Variants in EEF1AKMT1 observed in about 807,000 individuals in gnomAD.
EEF1AKMT1 encodes the protein N-6 adenine-specific DNA methyltransferase 2 (putative).
A neutral mutation model predicts 21.0 loss-of-function variants in EEF1AKMT1; 18 were observed. The ratio of observed to expected loss-of-function variants is 0.86; its 90% CI spans 0.59 to 1.27. EEF1AKMT1 has a LOEUF of 1.27. EEF1AKMT1 is among the 50% of genes most tolerant of loss of function. EEF1AKMT1 has a pLI of 0.00. For synonymous variants in EEF1AKMT1, 109 were observed against 94.8 expected (o/e 1.15, Z -0.87); for missense variants, 246 against 258.6 (o/e 0.95, Z 0.33).
chr13:20,731,847 A>G lies in EEF1AKMT1; in HGVS notation c.502T>C (p.Cys168Arg), dbSNP rs1212769338. ...KYLTRGKILLCTGAIMEEQAA... is the reference protein window; with the variant it reads ...KYLTRGKILLRTGAIMEEQAA... ...TATGAAATGCAGCACCTACCTGTGC[A>G]CAGCAGAATCTTGCCCCGCGTCAGG... The change falls in exon 4 of 5, where the codon TGC becomes CGC. Residue 168 changes from cysteine (C) to arginine (R), a missense_variant. Cys to Arg is a radical substitution (Grantham distance 180, BLOSUM62 -3). Coordinates refer to ENST00000382758, the MANE Select transcript of EEF1AKMT1 (RefSeq NM_001318939.2). The G allele has an allele frequency of 6.2e-7, 1 of 1,613,062 alleles. No individual in the cohort carries two copies. The highest frequency in any genetic ancestry group is 8.5e-7 in the Non-Finnish European group (1 of 1,179,140).
At chr13:20,759,575 G>A (rs1351117069) in intron 1 of EEF1AKMT1, among the ~76,000 whole-genome samples, 1 of 149,948 alleles carries the variant, frequency 6.7e-6, no homozygotes, top group Non-Finnish European at 1.5e-5. Context: ...GCAAGACTCC[G>A]TCTCAAAAAC....
Position 20,728,815 on chromosome 13 carries a change from T to A in EEF1AKMT1, c.*265A>T, listed in dbSNP as rs920146215. ...ACAACTGTTCTTCTGTTTTTACACA[T>A]GTTAAATGAGGAGAGAAGATCAGGC... On this transcript the variant is annotated 3_prime_UTR_variant, in exon 5 of 5. Coordinates refer to ENST00000382758, the MANE Select transcript of EEF1AKMT1 (RefSeq NM_001318939.2). The A allele has an allele frequency of 2.1e-6, 1 of 465,708 alleles. No individual in the cohort carries two copies. The highest frequency in any genetic ancestry group is 3.9e-6 in the Non-Finnish European group (1 of 254,690). 28.8% of individuals were successfully genotyped at this position (465,708 alleles called of 1,614,324 possible).
At chr13:20,747,621 A>G (rs1255187691) in intron 2 of EEF1AKMT1, 1 of 152,212 alleles carries the variant, frequency 6.6e-6, no homozygotes, top group African/African-American at 2.4e-5. Flanking sequence ...ACATGCCACC[A>G]TGCCTGGCTA....
chr13:20,753,895 C>G (rs1473731582), intron 2 of EEF1AKMT1, among the ~76,000 whole-genome samples: 1 of 151,990 alleles, frequency 6.6e-6, no homozygotes, highest in African/African-American at 2.4e-5. Flanking sequence ...TCTCTATCTT[C>G]TAAGAGGAAA....
chr13:20,773,043 C>T (rs1414161583), intron 1 of EEF1AKMT1, among the ~76,000 whole-genome samples: 1 of 152,168 alleles, frequency 6.6e-6, no homozygotes, highest in Non-Finnish European at 1.5e-5. Context: ...CTGGATGATT[C>T]TCCCCTTAAT....
intron 1 of EEF1AKMT1, among the ~76,000 whole-genome samples, chr13:20,773,290 C>T (rs1197675619): frequency 6.6e-6 from 1 of 152,214 alleles, no homozygotes; most frequent in African/African-American, 2.4e-5. Context: ...TCCTGTCTGA[C>T]ATGTGGCTCC....
intron 1 of EEF1AKMT1, among the ~76,000 whole-genome samples, chr13:20,759,960 C>T (rs1246753061): frequency 6.6e-6 from 1 of 151,862 alleles, no homozygotes; most frequent in Non-Finnish European, 1.5e-5. Context: ...AAAAAATTAG[C>T]CGGGTGTGGT....
intron 2 of EEF1AKMT1, chr13:20,748,195 G>C (rs1038987539): frequency 2.0e-5 from 3 of 152,504 alleles, no homozygotes; most frequent in Non-Finnish European, 4.4e-5. Context: ...CCAGCACTTT[G>C]GGAGGCCGAG....
rs1458858120 is a variant in EEF1AKMT1, at chr13:20,732,136, G to T, written c.228-15C>A. ...CACATGCGATTCTAGGAGACAAAATGAACACACCATGAAACATCCTTAACA... is the reference window on the plus strand; with the variant it reads ...CACATGCGATTCTAGGAGACAAAATTAACACACCATGAAACATCCTTAACA... On this transcript the variant is annotated splice_polypyrimidine_tract_variant and intron_variant, in intron 3 of 4. Transcript: ENST00000382758. 1 of 1,598,218 alleles carries T rather than the reference G, an allele frequency of 6.3e-7. No individual in the cohort carries two copies. Among genetic ancestry groups the T allele is most frequent in the South Asian group, 1.1e-5 (1 of 87,570 alleles).
intron 1 of EEF1AKMT1, among the ~76,000 whole-genome samples, chr13:20,762,321 G>T (rs1420544582): frequency 6.6e-6 from 1 of 151,656 alleles, no homozygotes; most frequent in African/African-American, 2.4e-5. Context: ...CCAGTAGCTG[G>T]GATTACAGGC....
intron 2 of EEF1AKMT1, among the ~76,000 whole-genome samples, chr13:20,738,613 A>C (rs1245698618): frequency 6.6e-6 from 1 of 152,202 alleles, no homozygotes; most frequent in Non-Finnish European, 1.5e-5. Flanking sequence ...GGATAGAAAA[A>C]ATGTGGTACA....
chr13:20,756,053 G>A (rs3923853), intron 2 of EEF1AKMT1, among the ~76,000 whole-genome samples: 56,614 of 151,934 alleles, frequency 0.37, 12,521 homozygotes, highest in Non-Finnish European at 0.5. Flanking sequence ...TGGAATAAAT[G>A]GAAATAAAAA....
intron 2 of EEF1AKMT1, among the ~76,000 whole-genome samples, chr13:20,742,801 C>T (rs763925069): frequency 1.3e-5 from 2 of 152,170 alleles, no homozygotes; most frequent in African/African-American, 4.8e-5. Flanking sequence ...AAGTAACAGA[C>T]CCCACTCTGT....
intron 1 of EEF1AKMT1, among the ~76,000 whole-genome samples, 171 bp from the exon 2 acceptor site, chr13:20,757,788 C>G (rs751733892): frequency 3.9e-5 from 6 of 152,220 alleles, no homozygotes; most frequent in Non-Finnish European, 7.3e-5. Context: ...AATCCCTCTT[C>G]TGTGGCCAAG....
chr13:20,736,097 G>A (rs2058824346), intron 3 of EEF1AKMT1, among the ~76,000 whole-genome samples: 1 of 152,216 alleles, frequency 6.6e-6, no homozygotes, highest in Non-Finnish European at 1.5e-5. Flanking sequence ...CATGTGTGTT[G>A]AGGATGAATG....
chr13:20,732,885 TAAAG>T (rs1341778198), intron 3 of EEF1AKMT1, among the ~76,000 whole-genome samples: 4 of 152,326 alleles, frequency 2.6e-5, no homozygotes, highest in Admixed American at 1.3e-4. Context: ...CAGTTTTCCA[TAAAG>T]ATACATTAAA....
At chr13:20,738,043 C>T (rs901052517) in intron 2 of EEF1AKMT1, among the ~76,000 whole-genome samples, 8 of 152,180 alleles carry the variant, frequency 5.3e-5, no homozygotes, top group East Asian at 1.9e-4. Flanking sequence ...TGAGTATCAA[C>T]GGCTATTACC....
chr13:20,759,783 A>C lies in EEF1AKMT1; in HGVS notation c.-19-2166T>G, dbSNP rs561750802. On this transcript the variant is annotated intron_variant, in intron 1 of 4. Transcript: ENST00000382758. Reference sequence around the variant, plus strand: ...TAAAATCACAATGAGATGCCATCTCACACCAGTCGGAATGGCTATTATTAA... The same window carrying C: ...TAAAATCACAATGAGATGCCATCTCCCACCAGTCGGAATGGCTATTATTAA... Among the ~76,000 whole-genome samples the C allele has an allele frequency of 2.2e-4, 34 of 152,294 alleles. No individual in the cohort carries two copies. The South Asian group carries it at 7.0e-3, about 32-fold the overall frequency.
intron 3 of EEF1AKMT1, among the ~76,000 whole-genome samples, chr13:20,733,254 C>A (rs2058808674): frequency 6.6e-6 from 1 of 152,070 alleles, no homozygotes; most frequent in South Asian, 2.1e-4. Flanking sequence ...CGCCACCACG[C>A]CTGGCTAATT....
Sources: allele counts gnomAD v4.1 joint callset (sites outside exome capture counted in the v4.1 genomes callset), GRCh38; gene constraint gnomAD v4.1.1; transcripts MANE v1.5; gene names NCBI Gene and HGNC (gene_info 2026-07-23, HGNC 2026-07-21).